FIP1L1: variants seen among roughly 807,000 people sequenced by gnomAD.
The protein encoded by FIP1L1 is pre-mRNA 3'-end-processing factor FIP1.
FIP1L1 carries 21 observed loss-of-function variants against 84.6 expected under a neutral mutation model. The observed-to-expected ratio is 0.25, with a 90% confidence interval of 0.18 to 0.36. FIP1L1 has a LOEUF of 0.36. Among genes scored for constraint, FIP1L1 ranks in the 10% least tolerant of loss-of-function variants. The pLI is 1.00. For missense variants in FIP1L1, 526 were observed against 751.1 expected (o/e 0.70, Z 3.50); for synonymous variants, 263 against 242.3 (o/e 1.09, Z -0.80).
chr4:53,394,264 T>C (rs1369679958), intron 9 of FIP1L1, among the ~76,000 whole-genome samples: 1 of 152,226 alleles, frequency 6.6e-6, no homozygotes, highest in African/African-American at 2.4e-5. Flanking sequence ...AAGTTAGTTA[T>C]TTTTATCTTC....
intron 11 of FIP1L1, among the ~76,000 whole-genome samples, chr4:53,425,183 C>T (rs1407756073): frequency 2.0e-5 from 3 of 152,100 alleles, no homozygotes; most frequent in Non-Finnish European, 4.4e-5. Context: ...AGTCCTTTAT[C>T]TGCATAATAG....
intron 10 of FIP1L1, among the ~76,000 whole-genome samples, chr4:53,402,210 G>A (rs922810020): frequency 2.0e-5 from 3 of 152,080 alleles, no homozygotes; most frequent in African/African-American, 7.2e-5. Context: ...ATCCTGACCA[G>A]GATCATTTTC....
chr4:53,448,270 T>C (rs893713475), intron 15 of FIP1L1, among the ~76,000 whole-genome samples: 17 of 152,140 alleles, frequency 1.1e-4, no homozygotes, highest in Non-Finnish European at 2.2e-4. Context: ...GTCGTCTCTG[T>C]CATCTATTAC....
rs377424821 is a variant in FIP1L1 at position 53,459,443 on chromosome 4, A to G, written c.1779A>G (p.Ala593=). Residue 593 remains alanine (A), a synonymous_variant, in exon 18 of 18, where the codon GCA becomes GCG. Coordinates refer to ENST00000337488, the MANE Select transcript of FIP1L1 (RefSeq NM_030917.4). ...AGGAGAGCACCGAAGCTACACCTGC[A>G]GAATAGGCATGGTTTTGGCCTTTTG... ...PEQESTEATP[A]E is the part of the protein sequence containing the mutation. 1.3e-5 allele frequency: 21 copies of G among 1,613,550 alleles called. No homozygotes were observed. The highest frequency in any genetic ancestry group is 6.7e-5 in the Admixed American group (4 of 59,988).
At position 53,412,147 on chromosome 4, in the gene FIP1L1, A is replaced by T. The variant is rs547686532; in HGVS notation, c.816-2468A>T. The stretch of plus-strand genomic sequence containing the variant: ...ATTTTCCAGTTAATAACATTTTGTC[A>T]TATTTGCGTTATAATTTCTCAAAAA... On this transcript the variant is annotated intron_variant, in intron 10 of 17. Coordinates refer to ENST00000337488, the MANE Select transcript of FIP1L1 (RefSeq NM_030917.4). Among the ~76,000 whole-genome samples, 8 of 152,264 alleles carry T rather than the reference A, an allele frequency of 5.3e-5. No individual in the cohort carries two copies. In the South Asian group the frequency reaches 1.7e-3, roughly 31 times the overall value.
intron 16 of FIP1L1, among the ~76,000 whole-genome samples, chr4:53,453,668 A>C (rs1717333949): frequency 6.6e-6 from 1 of 152,134 alleles, no homozygotes; most frequent in Admixed American, 6.5e-5. Context: ...TTCCCAATGC[A>C]TTGTTCCCTA....
At position 53,399,766 on chromosome 4, in the gene FIP1L1, A is replaced by G. The variant is rs755442173; in HGVS notation, c.742A>G (p.Thr248Ala). The change falls in exon 10 of 18, where the codon ACT becomes GCT. Residue 248 changes from threonine to alanine, a missense_variant. Physicochemically the swap from Thr to Ala is moderately conservative, Grantham distance 58. Coordinates refer to ENST00000337488, the MANE Select transcript of FIP1L1 (RefSeq NM_030917.4). ...AAGAACTGGAAACTCAGAGAAAGAA[A>G]CTGCCCTTCCATCTACAAAAGCTGA... ...QGRTGNSEKE[T>A]ALPSTKAEFT... 3 of 1,613,690 alleles carry G rather than the reference A, an allele frequency of 1.9e-6. No individual in the cohort carries two copies. The highest frequency in any genetic ancestry group is 1.7e-5 in the Admixed American group (1 of 60,000).
intron 16 of FIP1L1, among the ~76,000 whole-genome samples, chr4:53,456,429 T>G (rs1158255839): frequency 6.6e-6 from 1 of 152,130 alleles, no homozygotes; most frequent in Non-Finnish European, 1.5e-5. Context: ...ACTAAAATGT[T>G]TAAGGCCACA....
chr4:53,408,472 C>G (rs558006688), intron 10 of FIP1L1, among the ~76,000 whole-genome samples: 1 of 152,234 alleles, frequency 6.6e-6, no homozygotes, highest in East Asian at 1.9e-4. Context: ...GATTATGTGT[C>G]TTGGAGTTGC....
At chr4:53,402,156 G>A (rs1483397033) in intron 10 of FIP1L1, among the ~76,000 whole-genome samples, 1 of 152,178 alleles carries the variant, frequency 6.6e-6, no homozygotes, top group Non-Finnish European at 1.5e-5. Flanking sequence ...TCAAGAAAAT[G>A]AAGACTAAGA....
At chr4:53,427,906 T>C (rs1764996746) in intron 12 of FIP1L1, 121 bp from the exon 13 acceptor site, 1 of 822,304 alleles carries the variant, frequency 1.2e-6, no homozygotes, top group Non-Finnish European at 1.8e-6. Flanking sequence ...CCCCCAAAAA[T>C]ACATATATGT....
chr4:53,449,829 G>C (rs1775687642), intron 15 of FIP1L1, among the ~76,000 whole-genome samples: 1 of 152,070 alleles, frequency 6.6e-6, no homozygotes, highest in Non-Finnish European at 1.5e-5. Context: ...GTAAGTTTTT[G>C]TTTTTGTTTT....
chr4:53,450,842 C>T (rs1715413722), intron 15 of FIP1L1, among the ~76,000 whole-genome samples: 1 of 152,072 alleles, frequency 6.6e-6, no homozygotes, highest in Non-Finnish European at 1.5e-5. Context: ...TGTTAGCTAC[C>T]TGGAAGTTTA....
intron 11 of FIP1L1, among the ~76,000 whole-genome samples, chr4:53,418,879 C>T (rs1156295392): frequency 6.6e-6 from 1 of 152,172 alleles, no homozygotes; most frequent in African/African-American, 2.4e-5. Context: ...ACCTCTTCCT[C>T]TGACTATCTC....
intron 4 of FIP1L1, among the ~76,000 whole-genome samples, chr4:53,382,676 C>T (rs1401972569): frequency 3.3e-5 from 5 of 152,118 alleles, no homozygotes; most frequent in African/African-American, 9.7e-5. Context: ...GATTTTTTAA[C>T]GTTGCTTTTT....
intron 15 of FIP1L1, among the ~76,000 whole-genome samples, chr4:53,451,378 GT>G (rs1225096661): frequency 1.1e-4 from 16 of 151,152 alleles, no homozygotes; most frequent in Middle Eastern, 3.4e-3. Flanking sequence ...TTATAGTTAG[GT>G]TTTTAAAAAA....
At chr4:53,425,849 T>G in intron 11 of FIP1L1, 23 bp from the exon 12 acceptor site, 3 of 1,550,706 alleles carry the variant, frequency 1.9e-6, no homozygotes, top group Non-Finnish European at 2.7e-6. Context: ...TGAAACTGAA[T>G]TGATTCAATT....
At chr4:53,457,314 G>GC (rs1719718116) in intron 16 of FIP1L1, among the ~76,000 whole-genome samples, 1 of 151,994 alleles carries the variant, frequency 6.6e-6, no homozygotes, top group African/African-American at 2.4e-5. Flanking sequence ...CTACTGACTG[G>GC]CATGGCATGT....
chr4:53,397,187 A>G (rs1482169963), intron 9 of FIP1L1, among the ~76,000 whole-genome samples: 5 of 152,248 alleles, frequency 3.3e-5, no homozygotes, highest in African/African-American at 9.6e-5. Flanking sequence ...AGAAAATCCG[A>G]TGACACTAAT....
Sources: gnomAD v4.1 joint callset for allele counts (sites outside exome capture counted in the v4.1 genomes callset) on GRCh38, gnomAD v4.1.1 for gene constraint, MANE v1.5 for transcripts, NCBI Gene and HGNC (gene_info 2026-07-23, HGNC 2026-07-21) for gene names.